The following KCNQ1OT1 variants were observed in gnomAD, a reference collection of about 807,000 sequenced individuals.
The protein encoded by KCNQ1OT1 is KCNQ1 antisense RNA 2 (non-protein coding).
chr11:2,659,060 C>T lies in KCNQ1OT1; in HGVS notation n.40935G>A, dbSNP rs574440610. The stretch of plus-strand genomic sequence containing the variant: ...ACTGCTATGTCATTTGTTTGTAACA[C>T]GCTCATCATAGTCTGCTTTTCATCG... On this transcript the variant is annotated non_coding_transcript_exon_variant, in exon 1 of 1. Transcript: ENST00000597346. The surrounding 1 kb of genome is among the most constrained non-coding windows in gnomAD (Gnocchi z 4.3). 2.1e-4 allele frequency: 83 copies of T among 398,592 alleles called. No homozygotes were observed. Among genetic ancestry groups the T allele is most frequent in the African/African-American group, 1.5e-3 (71 of 48,742 alleles). 24.7% of individuals were successfully genotyped at this position (398,592 alleles called of 1,614,324 possible).
At position 2,657,450 on chromosome 11, in the gene KCNQ1OT1, G is replaced by A; in HGVS notation, n.42545C>T. The A allele has an allele frequency of 2.5e-6, 1 of 398,384 alleles. No homozygotes were observed. The highest frequency in any genetic ancestry group is 2.1e-5 in the African/African-American group (1 of 48,690). 24.7% of individuals were successfully genotyped at this position (398,384 alleles called of 1,614,324 possible). On this transcript the variant is annotated non_coding_transcript_exon_variant, in exon 1 of 1. Coordinates refer to ENST00000597346, the Ensembl canonical transcript of KCNQ1OT1. This position sits in a 1 kb window ranked among gnomAD's most constrained non-coding sequence, Gnocchi z 4.8. ...TTAGTTAGATAATTAATATTCTTTTGTGCTATTGTATACAGGTTCTGTTTT... is the reference window on the plus strand; with the variant it reads ...TTAGTTAGATAATTAATATTCTTTTATGCTATTGTATACAGGTTCTGTTTT...
In KCNQ1OT1 at chr11:2,648,981, CTTTTTTTT is replaced by C; in HGVS notation, n.51006_51013del. On this transcript the variant is annotated non_coding_transcript_exon_variant, in exon 1 of 1. Coordinates refer to ENST00000597346, the Ensembl canonical transcript of KCNQ1OT1. The stretch of plus-strand genomic sequence containing the variant: ...CCTCCTTTGTCTCTTTTTTCTTTTT[CTTTTTTTT>C]TTTTTTTTTTTTTTTGACTCAGTAT... 79 of 313,556 alleles carry C rather than the reference CTTTTTTTT, an allele frequency of 2.5e-4. No individual in the cohort carries two copies. In the South Asian group the frequency reaches 0.01, roughly 40 times the overall value. 19.4% of individuals were successfully genotyped at this position (313,556 alleles called of 1,614,324 possible).
chr11:2,621,075 T>TC lies in KCNQ1OT1; in HGVS notation n.78919dup. On this transcript the variant is annotated non_coding_transcript_exon_variant, in exon 1 of 1. Coordinates refer to ENST00000597346, the Ensembl canonical transcript of KCNQ1OT1. This position sits in a 1 kb window ranked among gnomAD's most constrained non-coding sequence, Gnocchi z 5.7. ...TCACTGCAACCTCCACCTCCTGGGTTCAAGCAATTCTCCTGTCTCAGACTC... is the reference window on the plus strand; with the variant it reads ...TCACTGCAACCTCCACCTCCTGGGTTCCAAGCAATTCTCCTGTCTCAGACTC... 2.5e-6 allele frequency: 1 copy of TC among 397,316 alleles called. No homozygotes were observed. Among genetic ancestry groups the TC allele is most frequent in the Non-Finnish European group, 4.4e-6 (1 of 225,818 alleles). The allele number at this position is 397,316 out of a possible 1,614,324, so 24.6% of individuals were successfully genotyped here.
At chr11:2,637,429 A>C (rs1303709845) in exon 1 of KCNQ1OT1, 1 of 152,046 alleles carries the variant, frequency 6.6e-6, no homozygotes, top group African/African-American at 2.4e-5. Context: ...CTCTGCCTTC[A>C]TTTCGTTATG....
In KCNQ1OT1 at chr11:2,623,448, G is replaced by A. The variant is rs1849208042; in HGVS notation, n.76547C>T. 1 of 398,282 alleles carries A rather than the reference G, an allele frequency of 2.5e-6. No homozygotes were observed. The highest frequency in any genetic ancestry group is 2.1e-5 in the African/African-American group (1 of 48,550). The allele number at this position is 398,282 out of a possible 1,614,324, so 24.7% of individuals were successfully genotyped here. Reference sequence around the variant, plus strand: ...CAACCCTTCTTCCCCAACAACCCTTGGCAACCACTGAACTTTTTACTGCCT... The same window carrying A: ...CAACCCTTCTTCCCCAACAACCCTTAGCAACCACTGAACTTTTTACTGCCT... On this transcript the variant is annotated non_coding_transcript_exon_variant, in exon 1 of 1. Transcript: ENST00000597346. This position sits in a 1 kb window ranked among gnomAD's most constrained non-coding sequence, Gnocchi z 5.2.
exon 1 of KCNQ1OT1, chr11:2,630,314 AT>A: frequency 2.5e-6 from 1 of 398,244 alleles, no homozygotes; most frequent in Non-Finnish European, 4.4e-6. Context: ...CAGTTTGATC[AT>A]ATTTTGTTGA....
exon 1 of KCNQ1OT1, chr11:2,684,163 AG>A: frequency 2.5e-6 from 1 of 398,670 alleles, no homozygotes. Context: ...CAGAGGACTT[AG>A]GAAGAGAAGC....
At chr11:2,656,116 T>C (rs2133848948) in exon 1 of KCNQ1OT1, 1 of 398,672 alleles carries the variant, frequency 2.5e-6, no homozygotes, top group South Asian at 1.3e-4. Context: ...CTCTACGTTC[T>C]AGCCTGTGCT....
Position 2,626,710 on chromosome 11 carries a change from G to T in KCNQ1OT1, n.73285C>A, listed in dbSNP as rs1849268021. The T allele has an allele frequency of 2.5e-6, 1 of 397,266 alleles. No individual in the cohort carries two copies. Among genetic ancestry groups the T allele is most frequent in the Non-Finnish European group, 4.4e-6 (1 of 226,018 alleles). 24.6% of individuals were successfully genotyped at this position (397,266 alleles called of 1,614,324 possible). On this transcript the variant is annotated non_coding_transcript_exon_variant, in exon 1 of 1. Coordinates refer to ENST00000597346, the Ensembl canonical transcript of KCNQ1OT1. This position sits in a 1 kb window ranked among gnomAD's most constrained non-coding sequence, Gnocchi z 4.0. ...CACCTGGCCAATTATTTTATTTTTTGTAGAGATGAGGTCTCCCTGTGTTCC... is the reference window on the plus strand; with the variant it reads ...CACCTGGCCAATTATTTTATTTTTTTTAGAGATGAGGTCTCCCTGTGTTCC...
Position 2,683,204 on chromosome 11 carries a change from T to C in KCNQ1OT1, n.16791A>G, listed in dbSNP as rs1590029766. 4 of 398,632 alleles carry C rather than the reference T, an allele frequency of 1.0e-5. No individual in the cohort carries two copies. Among genetic ancestry groups the C allele is most frequent in the African/African-American group, 2.1e-5 (1 of 48,736 alleles). The allele number at this position is 398,632 out of a possible 1,614,324, so 24.7% of individuals were successfully genotyped here. A position where few individuals can be genotyped will look rare whatever the true frequency, so the allele number is the denominator to read the frequency against. ...AAGGCTCCCACTGACAGCTCATGCA[T>C]TGTGATGGAACTAGAGGTGAGATAC... On this transcript the variant is annotated non_coding_transcript_exon_variant, in exon 1 of 1. Coordinates refer to ENST00000597346, the Ensembl canonical transcript of KCNQ1OT1. This position sits in a 1 kb window ranked among gnomAD's most constrained non-coding sequence, Gnocchi z 4.7.
In KCNQ1OT1 at chr11:2,690,310, C is replaced by A. The variant is rs1850567621; in HGVS notation, n.9685G>T. The A allele has an allele frequency of 7.5e-6, 3 of 398,680 alleles. No individual in the cohort carries two copies. Among genetic ancestry groups the A allele is most frequent in the African/African-American group, 2.1e-5 (1 of 48,752 alleles). The allele number at this position is 398,680 out of a possible 1,614,324, so 24.7% of individuals were successfully genotyped here. A position where few individuals can be genotyped will look rare whatever the true frequency, so the allele number is the denominator to read the frequency against. On this transcript the variant is annotated non_coding_transcript_exon_variant, in exon 1 of 1. Coordinates refer to ENST00000597346, the Ensembl canonical transcript of KCNQ1OT1. This position sits in a 1 kb window ranked among gnomAD's most constrained non-coding sequence, Gnocchi z 5.1. The stretch of plus-strand genomic sequence containing the variant: ...TGTCTTCCTCCCTGTAGGATTGTCA[C>A]AAGGATTAAATGATGTCAAGTCTGA...
In KCNQ1OT1 at chr11:2,669,413, G is replaced by A; in HGVS notation, n.30582C>T. 2 of 398,656 alleles carry A rather than the reference G, an allele frequency of 5.0e-6. No individual in the cohort carries two copies. Among genetic ancestry groups the A allele is most frequent in the South Asian group, 1.3e-4 (1 of 7,856 alleles). 24.7% of individuals were successfully genotyped at this position (398,656 alleles called of 1,614,324 possible). On this transcript the variant is annotated non_coding_transcript_exon_variant, in exon 1 of 1. Transcript: ENST00000597346. The surrounding 1 kb of genome is among the most constrained non-coding windows in gnomAD (Gnocchi z 5.6). ...TGAAACATGGCATCATGTGTCCCTT[G>A]TTTATTTAGGTTGACTTTCATATCT...
In KCNQ1OT1 at chr11:2,678,627, C is replaced by G. The variant is rs1850334895; in HGVS notation, n.21368G>C. 5.0e-6 allele frequency: 2 copies of G among 397,642 alleles called. No individual in the cohort carries two copies. Among genetic ancestry groups the G allele is most frequent in the Non-Finnish European group, 8.9e-6 (2 of 225,962 alleles). The allele number at this position is 397,642 out of a possible 1,614,324, so 24.6% of individuals were successfully genotyped here. On this transcript the variant is annotated non_coding_transcript_exon_variant, in exon 1 of 1. Transcript: ENST00000597346. The surrounding 1 kb of genome is among the most constrained non-coding windows in gnomAD (Gnocchi z 4.9). ...CCCCCTCATCTCCATTACTTAAGAG[C>G]CAATAATGGGAAGCTCATTTTCACA...
At position 2,669,707 on chromosome 11, in the gene KCNQ1OT1, C is replaced by T. The variant is rs913952988; in HGVS notation, n.30288G>A. 5 of 398,494 alleles carry T rather than the reference C, an allele frequency of 1.3e-5. No homozygotes were observed. Among genetic ancestry groups the T allele is most frequent in the African/African-American group, 4.1e-5 (2 of 48,616 alleles). The allele number at this position is 398,494 out of a possible 1,614,324, so 24.7% of individuals were successfully genotyped here. A position where few individuals can be genotyped will look rare whatever the true frequency, so the allele number is the denominator to read the frequency against. On this transcript the variant is annotated non_coding_transcript_exon_variant, in exon 1 of 1. Coordinates refer to ENST00000597346, the Ensembl canonical transcript of KCNQ1OT1. This position sits in a 1 kb window ranked among gnomAD's most constrained non-coding sequence, Gnocchi z 5.6. ...GAGGAGATGGTGTTAGGCATCCAGC[C>T]ACATACCTGACTCGGGGAAATGCCT...
At position 2,661,804 on chromosome 11, in the gene KCNQ1OT1, C is replaced by T; in HGVS notation, n.38191G>A. ...TTTGGGGCCATCTTAAACACCCACC[C>T]ACCCCAACACCCAACTATAAAACTG... On this transcript the variant is annotated non_coding_transcript_exon_variant, in exon 1 of 1. Transcript: ENST00000597346. The surrounding 1 kb of genome is among the most constrained non-coding windows in gnomAD (Gnocchi z 5.9). 2.3e-6 allele frequency: 2 copies of T among 852,452 alleles called. No homozygotes were observed. Among genetic ancestry groups the T allele is most frequent in the Non-Finnish European group, 3.8e-6 (2 of 527,798 alleles). 52.8% of individuals were successfully genotyped at this position (852,452 alleles called of 1,614,324 possible).
At position 2,687,297 on chromosome 11, in the gene KCNQ1OT1, C is replaced by T. The variant is rs1373770481; in HGVS notation, n.12698G>A. ...GCCTCCCACCTTGCAGCTTTGAGAT[C>T]CCAGGCCTCTCAGGGCTCTGGCTGA... is the stretch of plus-strand genomic sequence containing the variant. On this transcript the variant is annotated non_coding_transcript_exon_variant, in exon 1 of 1. Coordinates refer to ENST00000597346, the Ensembl canonical transcript of KCNQ1OT1. This position sits in a 1 kb window ranked among gnomAD's most constrained non-coding sequence, Gnocchi z 5.0. 2.5e-6 allele frequency: 1 copy of T among 398,556 alleles called. No individual in the cohort carries two copies. Among genetic ancestry groups the T allele is most frequent in the East Asian group, 3.6e-5 (1 of 28,088 alleles). 24.7% of individuals were successfully genotyped at this position (398,556 alleles called of 1,614,324 possible). A position where few individuals can be genotyped will look rare whatever the true frequency, so the allele number is the denominator to read the frequency against.
rs899757605 is a variant in KCNQ1OT1, at chr11:2,608,860, C to G, written n.91135G>C. 5.0e-6 allele frequency: 2 copies of G among 398,176 alleles called. No individual in the cohort carries two copies. The highest frequency in any genetic ancestry group is 4.4e-6 in the Non-Finnish European group (1 of 226,022). The allele number at this position is 398,176 out of a possible 1,614,324, so 24.7% of individuals were successfully genotyped here. On this transcript the variant is annotated non_coding_transcript_exon_variant, in exon 1 of 1. Coordinates refer to ENST00000597346, the Ensembl canonical transcript of KCNQ1OT1. The surrounding 1 kb of genome is among the most constrained non-coding windows in gnomAD (Gnocchi z 4.6). ...TAGTAATTTGAGTTTTCTCTCTCCC[C>G]CTTTGCCTCATGCACTTCCCTCTCT...
exon 1 of KCNQ1OT1, chr11:2,615,896 T>G (rs2106466): frequency 0.64 from 255,349 of 397,830 alleles, 83,238 homozygotes; most frequent in East Asian, 0.86. Flanking sequence ...ATTGCAAAGT[T>G]TTTTCTCCTC....
Position 2,654,690 on chromosome 11 carries a change from G to A in KCNQ1OT1, n.45305C>T. ...GAGATGGGCTGGAGCTTTGAGCTTT[G>A]TCATAGGCTGGACTTGGGGCTTGAA... On this transcript the variant is annotated non_coding_transcript_exon_variant, in exon 1 of 1. Transcript: ENST00000597346. The surrounding 1 kb of genome is among the most constrained non-coding windows in gnomAD (Gnocchi z 6.4). 5.0e-6 allele frequency: 2 copies of A among 398,902 alleles called. No homozygotes were observed. The highest frequency in any genetic ancestry group is 8.8e-6 in the Non-Finnish European group (2 of 226,304). 24.7% of individuals were successfully genotyped at this position (398,902 alleles called of 1,614,324 possible). A position where few individuals can be genotyped will look rare whatever the true frequency, so the allele number is the denominator to read the frequency against.
Sources: allele counts gnomAD v4.1 joint callset, GRCh38; gene constraint gnomAD v4.1.1; non-coding constraint Gnocchi (gnomAD v3.1); transcripts MANE v1.5; gene names NCBI Gene and HGNC (gene_info 2026-07-23, HGNC 2026-07-21).